DIAPH3: variants seen among roughly 807,000 people sequenced by gnomAD.
The protein encoded by DIAPH3 is protein diaphanous homolog 3.
In DIAPH3, 117 loss-of-function variants were observed where a neutral mutation model predicts 144.3. The ratio of observed to expected loss-of-function variants is 0.81; its 90% confidence interval spans 0.70 to 0.95. The LOEUF (loss-of-function observed/expected upper bound fraction) is 0.95. Ranked by LOEUF, DIAPH3 falls within the 40% of genes least tolerant of loss-of-function variation. The pLI, the probability that DIAPH3 is intolerant of heterozygous loss-of-function variation, is 0.00. For synonymous variants in DIAPH3, 519 were observed against 488.9 expected, an observed-to-expected ratio of 1.06 and a Z score of -0.81; for missense variants, 1,421 against 1,412.7, an observed-to-expected ratio of 1.01 and a Z score of -0.09.
At chr13:60,152,487 G>GATATATATAT (rs144792127) in intron 1 of DIAPH3, among the ~76,000 whole-genome samples, 5 of 139,982 alleles carry the variant, frequency 3.6e-5, no homozygotes, top group African/African-American at 1.3e-4. Flanking sequence ...TTTAGGGAAA[G>GATATATATAT]ATATATATAT....
At chr13:59,714,083 G>A (rs1003095987) in intron 27 of DIAPH3, among the ~76,000 whole-genome samples, 3 of 152,194 alleles carry the variant, frequency 2.0e-5, no homozygotes, top group African/African-American at 4.8e-5. Flanking sequence ...AGCTAGGGCC[G>A]GGCGCGGTGG....
chr13:59,843,887 C>T (rs2042475840), intron 22 of DIAPH3, among the ~76,000 whole-genome samples: 1 of 151,946 alleles, frequency 6.6e-6, no homozygotes, highest in South Asian at 2.1e-4. Flanking sequence ...ATTTATAAGT[C>T]GGATCTGAAT....
At chr13:59,748,337 T>A (rs1051543125) in intron 27 of DIAPH3, among the ~76,000 whole-genome samples, 32 of 152,128 alleles carry the variant, frequency 2.1e-4, no homozygotes, top group African/African-American at 7.5e-4. Context: ...CGGAAATCTA[T>A]CCTACCAGTT....
chr13:60,095,407 CACTT>C (rs1353200618), intron 3 of DIAPH3, among the ~76,000 whole-genome samples: 1 of 152,094 alleles, frequency 6.6e-6, no homozygotes, highest in Non-Finnish European at 1.5e-5. Flanking sequence ...CACTTAAACT[CACTT>C]AGCTATATGC....
At chr13:59,944,761 G>A (rs187453114) in intron 17 of DIAPH3, among the ~76,000 whole-genome samples, 2 of 143,286 alleles carry the variant, frequency 1.4e-5, no homozygotes, top group Non-Finnish European at 3.1e-5. Context: ...ACACTAACTT[G>A]TTTCTAGCAA....
At chr13:59,782,604 T>A (rs7997280) in intron 25 of DIAPH3, among the ~76,000 whole-genome samples, 1 of 151,952 alleles carries the variant, frequency 6.6e-6, no homozygotes, top group Non-Finnish European at 1.5e-5. Flanking sequence ...GGAAGAGAAT[T>A]TGAAGGAAGA....
chr13:59,679,366 C>T (rs900391286), intron 27 of DIAPH3, among the ~76,000 whole-genome samples: 4 of 152,016 alleles, frequency 2.6e-5, no homozygotes, highest in African/African-American at 9.7e-5. Context: ...CCACACAATC[C>T]CCCTCTTTCC....
intron 17 of DIAPH3, among the ~76,000 whole-genome samples, chr13:59,934,374 G>A (rs937015338): frequency 2.6e-5 from 4 of 151,982 alleles, no homozygotes; most frequent in Non-Finnish European, 5.9e-5. Context: ...CTAGCCTTAA[G>A]AGTATGAAAA....
chr13:60,110,755 G>A (rs1460184461), intron 3 of DIAPH3, among the ~76,000 whole-genome samples: 1 of 152,154 alleles, frequency 6.6e-6, no homozygotes, highest in Non-Finnish European at 1.5e-5. Flanking sequence ...ATGCCAATAG[G>A]TAGACCTGCT....
intron 22 of DIAPH3, among the ~76,000 whole-genome samples, chr13:59,842,482 C>T (rs1024896038): frequency 6.6e-6 from 1 of 152,106 alleles, no homozygotes; most frequent in Non-Finnish European, 1.5e-5. Context: ...TTCTCCAATA[C>T]CAACTGGGTG....
chr13:59,939,696 T>A (rs893983196), intron 17 of DIAPH3, among the ~76,000 whole-genome samples: 2 of 152,156 alleles, frequency 1.3e-5, no homozygotes, highest in African/African-American at 4.8e-5. Flanking sequence ...AAAGCCAAGT[T>A]AACAATGAAA....
chr13:59,802,930 C>G (rs1235773565), intron 25 of DIAPH3, among the ~76,000 whole-genome samples: 1 of 150,768 alleles, frequency 6.6e-6, no homozygotes, highest in African/African-American at 2.4e-5. Context: ...ATGATCCACC[C>G]GCCTCGGCCT....
intron 27 of DIAPH3, among the ~76,000 whole-genome samples, chr13:59,737,460 T>C (rs757457296): frequency 4.6e-5 from 7 of 152,194 alleles, no homozygotes; most frequent in Non-Finnish European, 8.8e-5. Context: ...CATAGAAATA[T>C]GAACAAAACT....
intron 1 of DIAPH3, among the ~76,000 whole-genome samples, chr13:60,158,906 T>TA (rs71197285): frequency 0.066 from 5,103 of 76,878 alleles, 309 homozygotes; most frequent in East Asian, 0.1. Context: ...TGGCCCCTCT[T>TA]AAAAAAAAAA....
At chr13:59,768,578 G>A (rs1202411485) in intron 27 of DIAPH3, among the ~76,000 whole-genome samples, 1 of 152,040 alleles carries the variant, frequency 6.6e-6, no homozygotes, top group Non-Finnish European at 1.5e-5. Flanking sequence ...CGAGTGGATT[G>A]GGGATGGGGG....
chr13:59,970,097 T>C, intron 16 of DIAPH3, 39 bp from the exon 17 acceptor site: 2 of 1,203,492 alleles, frequency 1.7e-6, no homozygotes, highest in Non-Finnish European at 2.4e-6. Flanking sequence ...AATAGGTGAG[T>C]GTTTCACCTG....
chr13:59,910,580 A>AG (rs2046947467), intron 20 of DIAPH3, among the ~76,000 whole-genome samples: 1 of 151,746 alleles, frequency 6.6e-6, no homozygotes, highest in Non-Finnish European at 1.5e-5. Flanking sequence ...ATACAAAAAA[A>AG]TAGCTGAGTG....
At chr13:59,712,514 C>T (rs940857813) in intron 27 of DIAPH3, among the ~76,000 whole-genome samples, 1 of 152,202 alleles carries the variant, frequency 6.6e-6, no homozygotes, top group African/African-American at 2.4e-5. Flanking sequence ...CAGCAATTCC[C>T]TCTGACCTAG....
At chr13:59,694,015 T>C (rs77202905) in intron 27 of DIAPH3, among the ~76,000 whole-genome samples, 6,686 of 152,294 alleles carry the variant, frequency 0.044, 225 homozygotes, top group South Asian at 0.1. Flanking sequence ...CTAATTGTTC[T>C]TGTGGTGCTA....
Sources: allele counts gnomAD v4.1 joint callset (sites outside exome capture counted in the v4.1 genomes callset), GRCh38; gene constraint gnomAD v4.1.1; transcripts MANE v1.5; gene names NCBI Gene and HGNC (gene_info 2026-07-23, HGNC 2026-07-21).